SORCS2: variants seen among roughly 807,000 people sequenced by gnomAD.
The protein encoded by SORCS2 is sortilin related VPS10 domain containing receptor 2.
Under a neutral mutation model 141.6 loss-of-function variants are expected in SORCS2, and 100 were observed. That is an observed-to-expected ratio of 0.71 (90% confidence interval 0.60 to 0.83). The LOEUF is 0.83. SORCS2 is among the 40% of genes least tolerant of loss of function. The probability of loss-of-function intolerance (pLI) is 0.00; values close to 1 mark genes in which losing one functional copy is unlikely to be tolerated. For synonymous variants in SORCS2, 789 were observed against 676.9 expected (o/e 1.17, Z -2.57); for missense variants, 1,646 against 1,560.2 (o/e 1.05, Z -0.93).
At chr4:7,542,955 G>A (rs1298143882) in intron 3 of SORCS2, among the ~76,000 whole-genome samples, 1 of 152,234 alleles carries the variant, frequency 6.6e-6, no homozygotes, top group Admixed American at 6.5e-5. Flanking sequence ...CCGGCCCAGT[G>A]ACCCACAGGG....
At chr4:7,294,889 C>T (rs1188885630) in intron 1 of SORCS2, among the ~76,000 whole-genome samples, 1 of 11,132 alleles carries the variant, frequency 9.0e-5, no homozygotes, top group Non-Finnish European at 2.0e-4. Flanking sequence ...ATTCCTCTCC[C>T]TCCTCCTCTC....
intron 3 of SORCS2, among the ~76,000 whole-genome samples, chr4:7,596,256 C>T (rs1324111563): frequency 1.3e-5 from 2 of 152,156 alleles, no homozygotes; most frequent in Non-Finnish European, 2.9e-5. Flanking sequence ...TTTGAGGATT[C>T]CGGTGAGATT....
At chr4:7,590,472 T>C (rs778894044) in intron 3 of SORCS2, among the ~76,000 whole-genome samples, 5 of 152,210 alleles carry the variant, frequency 3.3e-5, no homozygotes, top group African/African-American at 4.8e-5. Flanking sequence ...GAATGAGCTC[T>C]GGCTGGAGAG....
At chr4:7,204,863 G>T (rs2108869188) in intron 1 of SORCS2, among the ~76,000 whole-genome samples, 1 of 152,336 alleles carries the variant, frequency 6.6e-6, no homozygotes, top group Middle Eastern at 3.4e-3. Flanking sequence ...GGGTGGAAAA[G>T]GAGACCATTC....
intron 2 of SORCS2, among the ~76,000 whole-genome samples, chr4:7,478,882 G>C (rs1488325965): frequency 1.3e-5 from 2 of 152,210 alleles, no homozygotes; most frequent in African/African-American, 4.8e-5. Context: ...TCGGCTCTGT[G>C]TTGGCAGGGG....
chr4:7,455,631 A>G (rs1233443948), intron 2 of SORCS2, among the ~76,000 whole-genome samples: 4 of 137,278 alleles, frequency 2.9e-5, no homozygotes, highest in Non-Finnish European at 4.6e-5. Flanking sequence ...TGTTGGGGTC[A>G]GGCGCCGTGT....
intron 3 of SORCS2, among the ~76,000 whole-genome samples, chr4:7,573,473 A>T (rs1489785431): frequency 6.6e-6 from 1 of 152,128 alleles, no homozygotes; most frequent in African/African-American, 2.4e-5. Context: ...GCATAAATAG[A>T]GTTCTATTAG....
chr4:7,642,982 A>C (rs537264412), intron 4 of SORCS2, among the ~76,000 whole-genome samples: 1 of 152,314 alleles, frequency 6.6e-6, no homozygotes, highest in East Asian at 1.9e-4. Context: ...AATGGAGTGG[A>C]CACAATTGCC....
intron 2 of SORCS2, among the ~76,000 whole-genome samples, chr4:7,399,192 C>G (rs538506227): frequency 2.0e-5 from 3 of 152,148 alleles, no homozygotes; most frequent in Non-Finnish European, 4.4e-5. Context: ...GAAGATGGTG[C>G]TAAGAGTTGA....
intron 1 of SORCS2, among the ~76,000 whole-genome samples, chr4:7,207,449 G>T (rs1000586131): frequency 6.6e-6 from 1 of 152,194 alleles, no homozygotes; most frequent in South Asian, 2.1e-4. Context: ...GGCGGCCACC[G>T]TGGCCAGACA....
At chr4:7,238,231 T>C (rs1051878844) in intron 1 of SORCS2, among the ~76,000 whole-genome samples, 1 of 152,018 alleles carries the variant, frequency 6.6e-6, no homozygotes, top group Non-Finnish European at 1.5e-5. Context: ...TGCTGGTGCT[T>C]GAGGAAAAAC....
intron 1 of SORCS2, among the ~76,000 whole-genome samples, chr4:7,339,893 A>T (rs975328649): frequency 1.3e-5 from 2 of 152,102 alleles, no homozygotes; most frequent in Non-Finnish European, 2.9e-5. Flanking sequence ...GAAGGCCCCA[A>T]CCCAGGCTCT....
chr4:7,699,115 A>G (rs367906048), intron 12 of SORCS2, among the ~76,000 whole-genome samples: 3 of 152,204 alleles, frequency 2.0e-5, no homozygotes, highest in Non-Finnish European at 2.9e-5. Context: ...TAAAGCCAGA[A>G]AACATTACAG....
intron 2 of SORCS2, among the ~76,000 whole-genome samples, chr4:7,468,356 C>T (rs745940495): frequency 2.4e-4 from 37 of 152,354 alleles, no homozygotes; most frequent in Non-Finnish European, 4.4e-4. Flanking sequence ...CTCAGCTGCT[C>T]CCATCCCCCT....
chr4:7,425,955 G>A (rs998311656), intron 2 of SORCS2, among the ~76,000 whole-genome samples: 2 of 152,210 alleles, frequency 1.3e-5, no homozygotes, highest in African/African-American at 4.8e-5. Context: ...GGAAACTGAG[G>A]CACAAAGGCA....
At chr4:7,448,604 CCCTTCCTT>C (rs10531260) in intron 2 of SORCS2, among the ~76,000 whole-genome samples, 29,605 of 115,392 alleles carry the variant, frequency 0.26, 4,214 homozygotes, top group African/African-American at 0.39. Flanking sequence ...CTTCCTCTAT[CCCTTCCTT>C]CCTTCCTTCC....
At chr4:7,725,365 C>G (rs1476427402) in intron 20 of SORCS2, 78 bp downstream of exon 20, 2 of 1,517,784 alleles carry the variant, frequency 1.3e-6, no homozygotes, top group East Asian at 2.4e-5. Flanking sequence ...GAGCATGGCC[C>G]CAGGTTTTCA....
chr4:7,634,388 A>T (rs1720101643), intron 3 of SORCS2, among the ~76,000 whole-genome samples: 1 of 149,828 alleles, frequency 6.7e-6, no homozygotes. Flanking sequence ...AAAAAAAAGA[A>T]CCTAGGGAGG....
rs936708002 is a variant in SORCS2 at position 7,193,275 on chromosome 4, C to T, written c.480+149C>T. On this transcript the variant is annotated intron_variant, in intron 1 of 26. Transcript: ENST00000507866. The surrounding 1 kb of genome is among the most constrained non-coding windows in gnomAD (Gnocchi z 4.8). ...TTGGGCACTTGGGTCACCTCGGCCGCGCCCCTACTGGCCTCTGGTCACTGG... is the reference window on the plus strand; with the variant it reads ...TTGGGCACTTGGGTCACCTCGGCCGTGCCCCTACTGGCCTCTGGTCACTGG... 4 of 1,063,078 alleles carry T rather than the reference C, an allele frequency of 3.8e-6. No individual in the cohort carries two copies. The highest frequency in any genetic ancestry group is 3.3e-5 in the African/African-American group (2 of 60,110). 65.9% of individuals were successfully genotyped at this position (1,063,078 alleles called of 1,614,324 possible).
Sources: gnomAD v4.1 joint callset for allele counts (sites outside exome capture counted in the v4.1 genomes callset) on GRCh38, gnomAD v4.1.1 for gene constraint, Gnocchi (gnomAD v3.1) non-coding constraint, MANE v1.5 for transcripts, NCBI Gene and HGNC (gene_info 2026-07-23, HGNC 2026-07-21) for gene names.